Variants in MON2 observed in about 807,000 individuals in gnomAD.
MON2 encodes MON2 regulator of endosome-to-Golgi trafficking.
Under a neutral mutation model 208.6 loss-of-function variants are expected in MON2, and 84 were observed. The observed-to-expected ratio is 0.40, with a 90% CI of 0.34 to 0.48. MON2 has a LOEUF of 0.48. Among genes scored for constraint, MON2 ranks in the 20% least tolerant of loss-of-function variants. MON2 has a pLI of 0.59. For missense variants in MON2, 1,611 were observed against 2,015.4 expected (o/e 0.80, Z 3.84); for synonymous variants, 660 against 694.0 (o/e 0.95, Z 0.77).
chr12:62,584,862 C>G lies in MON2; in HGVS notation c.4700-432C>G, dbSNP rs186032371. Among the ~76,000 whole-genome samples, 192 of 151,720 alleles carry G rather than the reference C, an allele frequency of 1.3e-3. 1 individual carries two copies. The highest frequency in any genetic ancestry group is 4.5e-3 in the African/African-American group (185 of 41,346). ...CCGGACTGGAGCAGAGGTCACGTTC[C>G]AGGAAAGAAGTTGCTAGGAGAGGGA... On this transcript the variant is annotated intron_variant, in intron 32 of 34. Transcript: ENST00000393630.
chr12:62,592,649 G>A lies in MON2; in HGVS notation c.5054G>A (p.Cys1685Tyr), dbSNP rs757440255. The change falls in exon 35 of 35, where the codon TGT (cysteine) becomes TAT (tyrosine). Residue 1685 changes from cysteine (C) to tyrosine (Y), a missense_variant. Transcript: ENST00000393630. ...CCAACTTTAGTAGAATGCATCACCT[G>A]TTCTTCTTCAGAAGTCTGTTCTGCA... The part of the protein sequence containing the change: ...LYPTLVECIT[C>Y]SSSEVCSALK... The A allele has an allele frequency of 1.2e-6, 2 of 1,612,066 alleles. No individual in the cohort carries two copies. The highest frequency in any genetic ancestry group is 1.7e-6 in the Non-Finnish European group (2 of 1,178,438).
chr12:62,524,382 C>G (rs1201731296), intron 8 of MON2, 133 bp from the exon 9 acceptor site: 1 of 632,836 alleles, frequency 1.6e-6, no homozygotes, highest in Non-Finnish European at 2.7e-6. Flanking sequence ...TTCTCCACTC[C>G]CCATTAAGAG....
Position 62,501,652 on chromosome 12 carries a change from A to C in MON2, c.743A>C (p.Glu248Ala). 1 of 1,614,198 alleles carries C rather than the reference A, an allele frequency of 6.2e-7. No homozygotes were observed. Among genetic ancestry groups the C allele is most frequent in the Non-Finnish European group, 8.5e-7 (1 of 1,180,020 alleles). The change falls in exon 7 of 35, where the codon GAA becomes GCA. Residue 248 changes from glutamate to alanine, a missense_variant. Coordinates refer to ENST00000393630, the MANE Select transcript of MON2 (RefSeq NM_015026.3). ...GAAATGACTCGGACGTTTGGCCTCG[A>C]ATTACTTGAGTCAGTCCTCAATGAT... The part of the protein sequence containing the change: ...MTEMTRTFGL[E>A]LLESVLNDFP...
Position 62,560,560 on chromosome 12 carries a change from A to T in MON2, c.3479A>T (p.Glu1160Val). 6.2e-7 allele frequency: 1 copy of T among 1,614,044 alleles called. No homozygotes were observed. The highest frequency in any genetic ancestry group is 8.5e-7 in the Non-Finnish European group (1 of 1,179,978). ...IQSAALSKNNEVSLAALKSFQ... is the reference protein window; with the variant it reads ...IQSAALSKNNVVSLAALKSFQ... ...TCAGCAGCACTCAGCAAAAACAATG[A>T]AGTATCTCTGGCTGCTCTGAAAAGC... The change falls in exon 26 of 35, where the codon GAA becomes GTA. Residue 1160 changes from glutamate to valine, a missense_variant. Glu to Val is a moderately radical substitution (Grantham distance 121). Coordinates refer to ENST00000393630, the MANE Select transcript of MON2 (RefSeq NM_015026.3).
In MON2 at chr12:62,538,534, T is replaced by C. The variant is rs751250330; in HGVS notation, c.2364+29T>C. The C allele has an allele frequency of 1.0e-5, 14 of 1,372,554 alleles. No individual in the cohort carries two copies. The Admixed American group carries it at 2.4e-4, about 24-fold the overall frequency. 85.0% of individuals were successfully genotyped at this position (1,372,554 alleles called of 1,614,324 possible). On this transcript the variant is annotated intron_variant, in intron 19 of 34. Coordinates refer to ENST00000393630, the MANE Select transcript of MON2 (RefSeq NM_015026.3). ...TGATATTCTACCTTTCTGTTTTAGA[T>C]ATGATACATTAGTTATATAAGATGT...
chr12:62,533,299 T>TA (rs1169426926), intron 12 of MON2, among the ~76,000 whole-genome samples: 1 of 152,208 alleles, frequency 6.6e-6, no homozygotes, highest in Non-Finnish European at 1.5e-5. Context: ...AGTTGGTTAA[T>TA]ACAATGTCAG....
chr12:62,577,011 T>G (rs2074816518), intron 30 of MON2, among the ~76,000 whole-genome samples: 1 of 151,760 alleles, frequency 6.6e-6, no homozygotes. Context: ...TTAATATTAT[T>G]TTATTATTTT....
chr12:62,532,730 A>G (rs1565653931), intron 12 of MON2, 60 bp downstream of exon 12: 2 of 1,314,842 alleles, frequency 1.5e-6, no homozygotes, highest in East Asian at 4.9e-5. Context: ...ATTTGCAAAA[A>G]TTGTAGTCTT....
chr12:62,573,519 G>T (rs554547417), intron 30 of MON2, among the ~76,000 whole-genome samples: 24 of 151,280 alleles, frequency 1.6e-4, no homozygotes, highest in Admixed American at 9.9e-4. Context: ...CGAGGCCCAG[G>T]AGTCAAATCC....
At position 62,561,006 on chromosome 12, in the gene MON2, G is replaced by C; in HGVS notation, c.3925G>C (p.Val1309Leu). 1 of 1,613,814 alleles carries C rather than the reference G, an allele frequency of 6.2e-7. No individual in the cohort carries two copies. Among genetic ancestry groups the C allele is most frequent in the Non-Finnish European group, 8.5e-7 (1 of 1,179,804 alleles). The stretch of plus-strand genomic sequence containing the variant: ...AGTCATATTGCACAGTGCTATTTCA[G>C]TCCCAATAAGTTCAGATGCATCCCC... ...LGVILHSAIS[V>L]PISSDASPFI... The change falls in exon 26 of 35, where the codon GTC (valine) becomes CTC (leucine). Residue 1309 changes from valine to leucine, a missense_variant. Transcript: ENST00000393630.
intron 33 of MON2, 106 bp downstream of exon 33, chr12:62,585,607 C>T: frequency 1.2e-6 from 1 of 847,028 alleles, no homozygotes; most frequent in Non-Finnish European, 1.8e-6. Flanking sequence ...CTGAACTAAG[C>T]TGAAGTTGTT....
intron 12 of MON2, among the ~76,000 whole-genome samples, chr12:62,533,292 T>G (rs75844935): frequency 0.071 from 10,857 of 152,310 alleles, 597 homozygotes; most frequent in Non-Finnish European, 0.11. Context: ...TTCTATGAGT[T>G]GGTTAATACA....
At chr12:62,493,803 AC>A in intron 2 of MON2, 111 bp from the exon 3 acceptor site, 1 of 762,464 alleles carries the variant, frequency 1.3e-6, no homozygotes, top group South Asian at 3.1e-5. Flanking sequence ...TGTTTATTTT[AC>A]GTAAAGTGGA....
chr12:62,522,191 GA>G (rs889163585), intron 8 of MON2, among the ~76,000 whole-genome samples: 235 of 146,058 alleles, frequency 1.6e-3, no homozygotes, highest in Non-Finnish European at 2.8e-3. Context: ...TCTCAAAAGA[GA>G]AAAAAAAAAG....
intron 4 of MON2, among the ~76,000 whole-genome samples, chr12:62,496,085 G>A (rs1170195835): frequency 2.6e-5 from 4 of 152,118 alleles, no homozygotes; most frequent in Admixed American, 2.6e-4. Context: ...TTATAAAGAA[G>A]TACAGTATAC....
intron 1 of MON2, among the ~76,000 whole-genome samples, chr12:62,476,437 CTT>C (rs113521160): frequency 2.3e-4 from 33 of 141,864 alleles, no homozygotes; most frequent in Middle Eastern, 3.6e-3. Context: ...TTGAATTTCA[CTT>C]TTTTTTTTTT....
At chr12:62,489,348 TATTAA>T (rs1379537056) in intron 2 of MON2, among the ~76,000 whole-genome samples, 3 of 152,260 alleles carry the variant, frequency 2.0e-5, no homozygotes, top group African/African-American at 7.2e-5. Context: ...TTTTTCCCTG[TATTAA>T]ATTATTCTTT....
intron 7 of MON2, 25 bp downstream of exon 7, chr12:62,501,723 A>G: frequency 6.2e-7 from 1 of 1,611,740 alleles, no homozygotes; most frequent in East Asian, 2.2e-5. Context: ...GTATCTTGTG[A>G]CAAAGTTAAT....
chr12:62,587,262 A>C (rs1019899083), intron 33 of MON2, among the ~76,000 whole-genome samples: 3 of 152,154 alleles, frequency 2.0e-5, no homozygotes, highest in Non-Finnish European at 2.9e-5. Context: ...AAGTTAAATA[A>C]GTACCATTGT....
Sources: allele counts gnomAD v4.1 joint callset (sites outside exome capture counted in the v4.1 genomes callset), GRCh38; gene constraint gnomAD v4.1.1; transcripts MANE v1.5; gene names NCBI Gene and HGNC (gene_info 2026-07-23, HGNC 2026-07-21).